The following CDKL3 variants were observed in gnomAD, a reference collection of about 807,000 sequenced individuals.
CDKL3 encodes the protein cyclin dependent kinase like 3, also known as cyclin-dependent kinase-like 3.
A neutral mutation model predicts 69.3 loss-of-function variants in CDKL3; 65 were observed. The ratio of observed to expected loss-of-function variants is 0.94; its 90% CI spans 0.77 to 1.15. CDKL3 has a LOEUF of 1.15. Ranked by LOEUF, CDKL3 falls within the 50% of genes most tolerant of loss-of-function variation. CDKL3 has a pLI of 0.00. For missense variants in CDKL3, 652 were observed against 689.2 expected (o/e 0.95, Z 0.61); for synonymous variants, 202 against 221.6 (o/e 0.91, Z 0.79).
intron 2 of CDKL3, among the ~76,000 whole-genome samples, chr5:134,362,206 T>C (rs542712781): frequency 6.6e-6 from 1 of 152,340 alleles, no homozygotes; most frequent in Admixed American, 6.5e-5. Context: ...CTGTAATTTA[T>C]TTAATGAAAT....
At chr5:134,315,370 C>A (rs1287453290) in intron 6 of CDKL3, among the ~76,000 whole-genome samples, 1 of 152,072 alleles carries the variant, frequency 6.6e-6, no homozygotes. Flanking sequence ...CTTGCTCTGT[C>A]ACCCAGGATA....
At chr5:134,316,160 C>T (rs754560807) in intron 6 of CDKL3, among the ~76,000 whole-genome samples, 4 of 152,146 alleles carry the variant, frequency 2.6e-5, no homozygotes, top group Non-Finnish European at 5.9e-5. Context: ...CTATATTTCC[C>T]AAGTGGGTCT....
At chr5:134,319,102 C>A (rs1347756698) in intron 6 of CDKL3, 1 of 267,794 alleles carries the variant, frequency 3.7e-6, no homozygotes, top group East Asian at 7.9e-5. Context: ...GGGCGGATCA[C>A]CTAAGCTCAG....
rs377347122 is a variant in CDKL3, at chr5:134,308,425, T to C, written c.1077A>G (p.Arg359=). Residue 359 remains arginine, a synonymous_variant, in exon 9 of 13, where the codon AGA becomes AGG. Coordinates refer to ENST00000265334, the MANE Select transcript of CDKL3 (RefSeq NM_001113575.2). The stretch of plus-strand genomic sequence containing the variant: ...CTCTTCCTCCTTTGACTTTAATAAC[T>C]CTGACTTTGATCTCCTTGGGCTTTT... ...KEKKPKEIKV[R]VIKVKGGRGD... The C allele has an allele frequency of 3.3e-5, 54 of 1,612,794 alleles. No homozygotes were observed. The highest frequency in any genetic ancestry group is 4.2e-5 in the Non-Finnish European group (49 of 1,179,696).
intron 3 of CDKL3, among the ~76,000 whole-genome samples, chr5:134,353,783 C>T (rs1203458755): frequency 6.6e-6 from 1 of 152,164 alleles, no homozygotes; most frequent in African/African-American, 2.4e-5. Context: ...TGGTCTCGAT[C>T]TCTTGACCTT....
Position 134,360,048 on chromosome 5 carries a change from C to T in CDKL3, c.209G>A (p.Arg70Lys), listed in dbSNP as rs1241991474. The change falls in exon 3 of 13, where the codon AGA becomes AAA. Residue 70 changes from arginine (R) to lysine (K), a missense_variant. Arg to Lys is a conservative substitution (Grantham distance 26, BLOSUM62 2). Coordinates refer to ENST00000265334, the MANE Select transcript of CDKL3 (RefSeq NM_001113575.2). ...TACCAAATGAATTTTCTTTTTCTGT[C>T]TAAAAACTTCAATCAGATTGACCAG... ...ENLVNLIEVF[R>K]QKKKIHLVFE... is the part of the protein sequence containing the mutation. The T allele has an allele frequency of 1.4e-5, 21 of 1,550,158 alleles. No individual in the cohort carries two copies. The highest frequency in any genetic ancestry group is 1.8e-5 in the Non-Finnish European group (21 of 1,147,244).
chr5:134,363,419 G>C (rs1756540666), intron 2 of CDKL3, among the ~76,000 whole-genome samples: 1 of 146,616 alleles, frequency 6.8e-6, no homozygotes, highest in Non-Finnish European at 1.5e-5. Context: ...TCAGCCTCTT[G>C]TGTAGCTGGG....
rs1463911648 is a variant in CDKL3, at chr5:134,288,000, T to C, written c.*678-1441A>G. ...ACCTCTGCCTCCCAGGTTCAAGTGA[T>C]TCTCCTGCCTCAGCCTCCCGAGTAG... On this transcript the variant is annotated intron_variant and NMD_transcript_variant, in intron 8 of 8. Transcript: ENST00000519312. Among the ~76,000 whole-genome samples the C allele has an allele frequency of 2.6e-5, 4 of 151,762 alleles. No homozygotes were observed. In the East Asian group the frequency reaches 7.7e-4, roughly 29 times the overall value.
chr5:134,310,294 T>G (rs1269569181), intron 7 of CDKL3, among the ~76,000 whole-genome samples: 1 of 151,988 alleles, frequency 6.6e-6, no homozygotes, highest in Non-Finnish European at 1.5e-5. Context: ...CACACCATTC[T>G]CCTGCCTCAA....
At chr5:134,326,320 A>G (rs1419054117) in intron 4 of CDKL3, among the ~76,000 whole-genome samples, 1 of 152,164 alleles carries the variant, frequency 6.6e-6, no homozygotes, top group Non-Finnish European at 1.5e-5. Flanking sequence ...CTGCAGCAGT[A>G]ATCTTAAAGG....
chr5:134,355,582 C>T (rs1009506573), intron 3 of CDKL3, among the ~76,000 whole-genome samples: 5 of 152,286 alleles, frequency 3.3e-5, no homozygotes, highest in Middle Eastern at 3.4e-3. Flanking sequence ...TTAAGATGAA[C>T]TTTGATTATA....
chr5:134,371,568 C>A, upstream of CDKL3: 2 of 1,602,636 alleles, frequency 1.2e-6, no homozygotes, highest in East Asian at 2.2e-5. Context: ...TTTTTTTTTT[C>A]AGACTGACCG....
intron 12 of CDKL3, among the ~76,000 whole-genome samples, chr5:134,300,770 G>A (rs941054821): frequency 1.3e-4 from 19 of 151,764 alleles, no homozygotes; most frequent in Admixed American, 1.2e-3. Flanking sequence ...CTTTTTTCCT[G>A]GACTAGAAAG....
intron 4 of CDKL3, among the ~76,000 whole-genome samples, chr5:134,347,697 TAAAA>T (rs1175296441): frequency 3.8e-5 from 2 of 52,824 alleles, no homozygotes; most frequent in Non-Finnish European, 7.4e-5. Context: ...CCATCTCTGC[TAAAA>T]AAAAAAAAAA....
intron 6 of CDKL3, among the ~76,000 whole-genome samples, chr5:134,316,471 G>A (rs974165417): frequency 2.6e-5 from 4 of 151,948 alleles, no homozygotes; most frequent in African/African-American, 7.3e-5. Flanking sequence ...GGTGGAGTGT[G>A]CCTGTAATCT....
intron 6 of CDKL3, 29 bp from the exon 7 acceptor site, chr5:134,312,409 G>T: frequency 1.5e-6 from 2 of 1,319,426 alleles, no homozygotes; most frequent in Non-Finnish European, 1.1e-6. Context: ...TTTAATAAGT[G>T]AGCTCTCAAC....
Position 134,350,260 on chromosome 5 carries a change from A to G in CDKL3, c.528T>C (p.Thr176=). The G allele has an allele frequency of 6.4e-7, 1 of 1,567,064 alleles. No homozygotes were observed. Among genetic ancestry groups the G allele is most frequent in the Non-Finnish European group, 8.6e-7 (1 of 1,158,026 alleles). ...CAAAATACACATACTTTCCATAAGA[A>G]GTATCTTTTAATACTAATTCGGGAG... ...YRAPELVLKD[T]SYGKPVDIWA... is the part of the protein sequence containing the mutation. Residue 176 remains threonine (T), a synonymous_variant, in exon 4 of 13, where the codon ACT becomes ACC. Coordinates refer to ENST00000265334, the MANE Select transcript of CDKL3 (RefSeq NM_001113575.2).
At chr5:134,312,009 C>T (rs905099872) in intron 7 of CDKL3, among the ~76,000 whole-genome samples, 2 of 151,932 alleles carry the variant, frequency 1.3e-5, no homozygotes, top group East Asian at 1.9e-4. Flanking sequence ...TTGCCCAGGC[C>T]GGTCGTGAAC....
intron 4 of CDKL3, among the ~76,000 whole-genome samples, chr5:134,341,433 A>G (rs1750462169): frequency 6.6e-6 from 1 of 152,226 alleles, no homozygotes. Context: ...AGAAAATCCT[A>G]AAGAATCCAC....
Sources: gnomAD v4.1 joint callset for allele counts (sites outside exome capture counted in the v4.1 genomes callset) on GRCh38, gnomAD v4.1.1 for gene constraint, MANE v1.5 for transcripts, NCBI Gene and HGNC (gene_info 2026-07-23, HGNC 2026-07-21) for gene names.